FAM168B: variants seen among roughly 807,000 people sequenced by gnomAD.
FAM168B encodes the protein myelin-associated neurite-outgrowth inhibitor.
Under a neutral mutation model 21.8 loss-of-function variants are expected in FAM168B, and 19 were observed. The observed-to-expected ratio is 0.87, with a 90% CI of 0.61 to 1.28. The LOEUF (loss-of-function observed/expected upper bound fraction) is 1.28, where lower values mean the gene tolerates loss of function less well. Ranked by LOEUF, FAM168B falls within the 50% of genes most tolerant of loss-of-function variation. FAM168B has a pLI of 0.00. For missense variants in FAM168B, 233 were observed against 263.1 expected (o/e 0.89, Z 0.79); for synonymous variants, 126 against 104.8 (o/e 1.20, Z -1.24).
chr2:131,081,380 C>T (rs1219470312), intron 2 of FAM168B, among the ~76,000 whole-genome samples: 1 of 152,182 alleles, frequency 6.6e-6, no homozygotes, highest in African/African-American at 2.4e-5. Context: ...TGAACATATG[C>T]CCCCACAGCA....
chr2:131,077,212 T>TAAAAAAAAAAA (rs34175924), intron 2 of FAM168B, among the ~76,000 whole-genome samples: 1 of 130,280 alleles, frequency 7.7e-6, no homozygotes, highest in African/African-American at 2.8e-5. Flanking sequence ...CTATTACATT[T>TAAAAAAAAAAA]AAAAAAAAAA....
chr2:131,085,916 T>C (rs1693672398), intron 1 of FAM168B, among the ~76,000 whole-genome samples: 1 of 152,202 alleles, frequency 6.6e-6, no homozygotes, highest in African/African-American at 2.4e-5. Flanking sequence ...GAGGCTACTG[T>C]GAGATTGATC....
intron 2 of FAM168B, among the ~76,000 whole-genome samples, chr2:131,075,581 G>A (rs997735608): frequency 2.6e-5 from 4 of 151,304 alleles, no homozygotes; most frequent in East Asian, 2.0e-4. Context: ...TGCAAGCTCC[G>A]CCTCCTGGGT....
chr2:131,088,181 G>A (rs1194096397), intron 1 of FAM168B, among the ~76,000 whole-genome samples: 2 of 152,168 alleles, frequency 1.3e-5, no homozygotes, highest in Non-Finnish European at 2.9e-5. Context: ...GGGAGGTAGA[G>A]GCTGCAGTGA....
intron 3 of FAM168B, among the ~76,000 whole-genome samples, chr2:131,061,782 G>GA (rs112944472): frequency 1.6e-3 from 207 of 129,724 alleles, no homozygotes; most frequent in Admixed American, 1.5e-3. Context: ...ACCCTGTCTC[G>GA]AAAAAAAAAA....
In FAM168B at chr2:131,050,211, T is replaced by G; in HGVS notation, c.*2254A>C. The G allele has an allele frequency of 1.0e-6, 1 of 985,512 alleles. No individual in the cohort carries two copies. The highest frequency in any genetic ancestry group is 4.7e-5 in the South Asian group (1 of 21,292). The allele number at this position is 985,512 out of a possible 1,614,324, so 61.0% of individuals were successfully genotyped here. A position where few individuals can be genotyped will look rare whatever the true frequency, so the allele number is the denominator to read the frequency against. ...AGCCTGAAGAGATGCCTGTAACTTCTAACCTCCTCCTGAACCCCAAGACTC... is the reference window on the plus strand; with the variant it reads ...AGCCTGAAGAGATGCCTGTAACTTCGAACCTCCTCCTGAACCCCAAGACTC... On this transcript the variant is annotated 3_prime_UTR_variant, in exon 7 of 7. Transcript: ENST00000389915.
At position 131,051,430 on chromosome 2, in the gene FAM168B, G is replaced by A. The variant is rs2105447415; in HGVS notation, c.*1035C>T. The A allele has an allele frequency of 1.0e-6, 1 of 984,050 alleles. No individual in the cohort carries two copies. The highest frequency in any genetic ancestry group is 1.1e-4 in the East Asian group (1 of 8,778). 61.0% of individuals were successfully genotyped at this position (984,050 alleles called of 1,614,324 possible). A position where few individuals can be genotyped will look rare whatever the true frequency, so the allele number is the denominator to read the frequency against. On this transcript the variant is annotated 3_prime_UTR_variant, in exon 7 of 7. Transcript: ENST00000389915. ...GCTGAAACCTTTGCCCTTCTTTGTT[G>A]GGGAAAAACAGCAATGCCTACCTGT... is the stretch of plus-strand genomic sequence containing the variant.
At chr2:131,059,008 C>A (rs1692166794) in intron 3 of FAM168B, among the ~76,000 whole-genome samples, 1 of 152,084 alleles carries the variant, frequency 6.6e-6, no homozygotes, top group African/African-American at 2.4e-5. Flanking sequence ...CAGTCCAATT[C>A]CCCCTAAGTG....
At chr2:131,085,458 T>C (rs1693643027) in intron 1 of FAM168B, among the ~76,000 whole-genome samples, 2 of 152,176 alleles carry the variant, frequency 1.3e-5, no homozygotes, top group Admixed American at 1.3e-4. Context: ...TGCAACTACC[T>C]ACCGACTTTC....
chr2:131,076,123 G>A (rs1419331205), intron 2 of FAM168B, among the ~76,000 whole-genome samples: 2 of 152,148 alleles, frequency 1.3e-5, no homozygotes, highest in South Asian at 2.1e-4. Flanking sequence ...AGCTGGTCTC[G>A]GGTGCACCAG....
At position 131,088,038 on chromosome 2, in the gene FAM168B, G is replaced by A. The variant is rs968452107; in HGVS notation, c.-12+5176C>T. ...ATGAGGGCGGATCACTTGAGACCAC[G>A]CGTTCGAGACCAGCCTGGGCAACAT... On this transcript the variant is annotated intron_variant, in intron 1 of 6. Transcript: ENST00000389915. Among the ~76,000 whole-genome samples, 7 of 152,162 alleles carry A rather than the reference G, an allele frequency of 4.6e-5. No homozygotes were observed. In the East Asian group the frequency reaches 9.7e-4, roughly 21 times the overall value.
intron 1 of FAM168B, among the ~76,000 whole-genome samples, chr2:131,092,204 G>A (rs940415063): frequency 1.1e-4 from 16 of 151,846 alleles, no homozygotes; most frequent in Admixed American, 9.8e-4. Flanking sequence ...GACAACTTGG[G>A]TATAATTTCC....
At chr2:131,087,788 C>A (rs999341453) in intron 1 of FAM168B, among the ~76,000 whole-genome samples, 1 of 152,110 alleles carries the variant, frequency 6.6e-6, no homozygotes, top group African/African-American at 2.4e-5. Context: ...TAGGTACATA[C>A]CCAAGAGAAG....
intron 3 of FAM168B, among the ~76,000 whole-genome samples, chr2:131,067,402 G>A (rs1246374102): frequency 6.6e-6 from 1 of 152,202 alleles, no homozygotes; most frequent in East Asian, 1.9e-4. Flanking sequence ...ATACAGCGTT[G>A]AAACCACAAG....
intron 3 of FAM168B, among the ~76,000 whole-genome samples, chr2:131,057,159 C>T (rs1474374848): frequency 3.3e-5 from 5 of 152,182 alleles, no homozygotes; most frequent in African/African-American, 9.7e-5. Flanking sequence ...GAGACACATC[C>T]CGCAACATCC....
chr2:131,070,233 A>G (rs1386959031), intron 3 of FAM168B, among the ~76,000 whole-genome samples: 2 of 152,214 alleles, frequency 1.3e-5, no homozygotes, highest in Non-Finnish European at 2.9e-5. Context: ...GAAAACACGC[A>G]TATATCTGAT....
In FAM168B at chr2:131,051,273, G is replaced by A. The variant is rs1480270626; in HGVS notation, c.*1192C>T. 2.0e-6 allele frequency: 2 copies of A among 985,158 alleles called. No individual in the cohort carries two copies. The highest frequency in any genetic ancestry group is 2.4e-6 in the Non-Finnish European group (2 of 829,922). The allele number at this position is 985,158 out of a possible 1,614,324, so 61.0% of individuals were successfully genotyped here. A position where few individuals can be genotyped will look rare whatever the true frequency, so the allele number is the denominator to read the frequency against. ...CACCATCAGGTGGGTGATCCCAGAA[G>A]CAGCTACAGGTTTCTACATTTCCAG... On this transcript the variant is annotated 3_prime_UTR_variant, in exon 7 of 7. Transcript: ENST00000389915.
At chr2:131,074,618 C>T (rs1273522309) in intron 2 of FAM168B, among the ~76,000 whole-genome samples, 2 of 152,160 alleles carry the variant, frequency 1.3e-5, no homozygotes, top group Non-Finnish European at 2.9e-5. Flanking sequence ...AGAAAGGTGT[C>T]TCTTACAGCA....
rs1691700372 is a variant in FAM168B at position 131,051,893 on chromosome 2, G to A, written c.*572C>T. ...GCAACTCCCTCCCAGGACAGTCAGT[G>A]CCAAAGAAACAGGTCGCTGAAAACT... On this transcript the variant is annotated 3_prime_UTR_variant, in exon 7 of 7. Transcript: ENST00000389915. The A allele has an allele frequency of 1.0e-6, 1 of 985,452 alleles. No homozygotes were observed. The highest frequency in any genetic ancestry group is 1.2e-6 in the Non-Finnish European group (1 of 829,944). The allele number at this position is 985,452 out of a possible 1,614,324, so 61.0% of individuals were successfully genotyped here. A position where few individuals can be genotyped will look rare whatever the true frequency, so the allele number is the denominator to read the frequency against.
Sources: allele counts gnomAD v4.1 joint callset (sites outside exome capture counted in the v4.1 genomes callset), GRCh38; gene constraint gnomAD v4.1.1; transcripts MANE v1.5; gene names NCBI Gene and HGNC (gene_info 2026-07-23, HGNC 2026-07-21).